ADAMTSL1: variants seen among roughly 807,000 people sequenced by gnomAD.
ADAMTSL1 encodes the protein ADAMTS like 1, also known as ADAMTS-like protein 1.
A neutral mutation model predicts 201.8 loss-of-function variants in ADAMTSL1; 126 were observed. The observed-to-expected ratio is 0.62, with a 90% CI of 0.54 to 0.72. The LOEUF is 0.72. Among genes scored for constraint, ADAMTSL1 ranks in the 30% least tolerant of loss-of-function variants. ADAMTSL1 has a pLI of 0.00. For synonymous variants in ADAMTSL1, 1,121 were observed against 903.4 expected (o/e 1.24, Z -4.32); for missense variants, 2,679 against 2,277.8 (o/e 1.18, Z -3.59).
chr9:18,438,900 G>T (rs1376523692), intron 2 of ADAMTSL1, among the ~76,000 whole-genome samples: 3 of 151,906 alleles, frequency 2.0e-5, no homozygotes, highest in African/African-American at 4.8e-5. Context: ...ATGCAGCCTC[G>T]ATTCACACCG....
intron 1 of ADAMTSL1, among the ~76,000 whole-genome samples, chr9:18,133,714 G>T (rs116148209): frequency 3.2e-4 from 49 of 152,172 alleles, no homozygotes; most frequent in African/African-American, 1.1e-3. Context: ...AGAGTTCTTA[G>T]CCCTGTTCAT....
intron 1 of ADAMTSL1, among the ~76,000 whole-genome samples, chr9:18,090,086 G>A (rs1227384854): frequency 6.6e-6 from 1 of 152,062 alleles, no homozygotes; most frequent in Non-Finnish European, 1.5e-5. Context: ...ACACCCATAG[G>A]ATGTCTATTA....
intron 2 of ADAMTSL1, among the ~76,000 whole-genome samples, chr9:18,251,357 G>A (rs1381391888): frequency 1.3e-5 from 2 of 152,096 alleles, no homozygotes; most frequent in South Asian, 2.1e-4. Flanking sequence ...AGACAAGAAA[G>A]TTTTATCGAG....
At chr9:18,595,725 G>A (rs1824220564) in intron 4 of ADAMTSL1, among the ~76,000 whole-genome samples, 1 of 152,256 alleles carries the variant, frequency 6.6e-6, no homozygotes, top group East Asian at 1.9e-4. Flanking sequence ...TTTCTACCAA[G>A]GCAGTAGTGT....
At chr9:18,468,619 A>G (rs1425399957) in intron 2 of ADAMTSL1, among the ~76,000 whole-genome samples, 8 of 152,206 alleles carry the variant, frequency 5.3e-5, no homozygotes, top group Non-Finnish European at 1.2e-4. Flanking sequence ...AAACAAACAA[A>G]AAAACCCTAA....
chr9:18,657,757 G>T lies in ADAMTSL1; in HGVS notation c.946+7G>T. ...TCAGCAACCTGTGGAGGAGGTAATG[G>T]TGTTCACTTAGTCTAAAAACTGTTG... On this transcript the variant is annotated splice_region_variant and intron_variant, in intron 8 of 28. Transcript: ENST00000380548. 1.2e-6 allele frequency: 2 copies of T among 1,606,600 alleles called. No individual in the cohort carries two copies. The highest frequency in any genetic ancestry group is 1.7e-6 in the Non-Finnish European group (2 of 1,173,172).
chr9:17,956,860 C>T (rs1213524704), intron 1 of ADAMTSL1, among the ~76,000 whole-genome samples: 4 of 152,112 alleles, frequency 2.6e-5, no homozygotes, highest in South Asian at 2.1e-4. Context: ...ACTTATATTT[C>T]ATTGGGGCTA....
intron 7 of ADAMTSL1, among the ~76,000 whole-genome samples, chr9:18,656,072 T>C (rs753676150): frequency 1.3e-5 from 2 of 152,110 alleles, no homozygotes; most frequent in Non-Finnish European, 2.9e-5. Context: ...TGAGACATTC[T>C]GTAGGGTTTC....
chr9:17,954,792 C>G (rs954725866), intron 1 of ADAMTSL1, among the ~76,000 whole-genome samples: 4 of 152,134 alleles, frequency 2.6e-5, no homozygotes, highest in African/African-American at 9.7e-5. Flanking sequence ...ACAGTTAGGT[C>G]TGTTTAGAGT....
chr9:18,819,848 G>A (rs1043272225), intron 21 of ADAMTSL1, among the ~76,000 whole-genome samples: 1 of 152,194 alleles, frequency 6.6e-6, no homozygotes, highest in Admixed American at 6.5e-5. Flanking sequence ...TAATTACACA[G>A]TGAATTTGCT....
intron 9 of ADAMTSL1, among the ~76,000 whole-genome samples, chr9:18,671,101 A>G (rs1279474150): frequency 6.6e-6 from 1 of 152,168 alleles, no homozygotes; most frequent in Non-Finnish European, 1.5e-5. Context: ...AGACGCAACT[A>G]TCCATTTTTT....
intron 2 of ADAMTSL1, among the ~76,000 whole-genome samples, chr9:18,185,456 T>C (rs1828691162): frequency 6.6e-6 from 1 of 152,194 alleles, no homozygotes; most frequent in Non-Finnish European, 1.5e-5. Flanking sequence ...CTGGCCAAGC[T>C]ATGCACACGG....
chr9:18,711,593 C>G (rs1180067904), intron 14 of ADAMTSL1, among the ~76,000 whole-genome samples: 1 of 152,228 alleles, frequency 6.6e-6, no homozygotes, highest in African/African-American at 2.4e-5. Flanking sequence ...CTCGGAGGGT[C>G]CTACGCCCAC....
intron 2 of ADAMTSL1, among the ~76,000 whole-genome samples, chr9:18,195,894 C>T (rs1829154428): frequency 6.6e-6 from 1 of 152,066 alleles, no homozygotes. Context: ...GTGATTTCGT[C>T]CACACATTTT....
At chr9:18,765,950 C>T (rs763529622) in intron 16 of ADAMTSL1, among the ~76,000 whole-genome samples, 2 of 152,132 alleles carry the variant, frequency 1.3e-5, no homozygotes, top group African/African-American at 4.8e-5. Flanking sequence ...TCAAGAGACT[C>T]AGCCACATGA....
At chr9:18,699,917 C>G (rs181658632) in intron 13 of ADAMTSL1, among the ~76,000 whole-genome samples, 85 of 152,174 alleles carry the variant, frequency 5.6e-4, no homozygotes, top group African/African-American at 2.0e-3. Flanking sequence ...TGTCCTAGAA[C>G]CTTTGAAAAA....
chr9:18,048,512 C>T (rs11790816), intron 1 of ADAMTSL1, among the ~76,000 whole-genome samples: 2,496 of 152,182 alleles, frequency 0.016, 31 homozygotes, highest in Non-Finnish European at 0.027. Flanking sequence ...TAAGATGTAA[C>T]GTTCACATAT....
chr9:18,160,524 T>G (rs927393475), intron 1 of ADAMTSL1, among the ~76,000 whole-genome samples: 1 of 152,092 alleles, frequency 6.6e-6, no homozygotes, highest in South Asian at 2.1e-4. Flanking sequence ...ATGCCAACTT[T>G]AATGCATTTT....
In ADAMTSL1 at chr9:18,908,359, G is replaced by A; in HGVS notation, c.5183-83G>A. ...ACCCCAGTGGCTGAAACCCCCGGCTGCACCTCACACAGGCTGCGTTCATTA... is the reference window on the plus strand; with the variant it reads ...ACCCCAGTGGCTGAAACCCCCGGCTACACCTCACACAGGCTGCGTTCATTA... On this transcript the variant is annotated intron_variant, in intron 28 of 28. Coordinates refer to ENST00000380548, the MANE Select transcript of ADAMTSL1 (RefSeq NM_001040272.6). 1.1e-5 allele frequency: 13 copies of A among 1,191,832 alleles called. No homozygotes were observed. In the South Asian group the frequency reaches 1.4e-4, roughly 13 times the overall value. 73.8% of individuals were successfully genotyped at this position (1,191,832 alleles called of 1,614,324 possible). A position where few individuals can be genotyped will look rare whatever the true frequency, so the allele number is the denominator to read the frequency against.
Sources: gnomAD v4.1 joint callset for allele counts (sites outside exome capture counted in the v4.1 genomes callset) on GRCh38, gnomAD v4.1.1 for gene constraint, MANE v1.5 for transcripts, NCBI Gene and HGNC (gene_info 2026-07-23, HGNC 2026-07-21) for gene names.